The following SPRED2 variants were observed in gnomAD, a reference collection of about 807,000 sequenced individuals.
SPRED2 encodes the protein sprouty related EVH1 domain containing 2.
A neutral mutation model predicts 43.0 loss-of-function variants in SPRED2; 47 were observed. That is an observed-to-expected ratio of 1.09 (90% CI 0.87 to 1.40). The LOEUF (loss-of-function observed/expected upper bound fraction) is 1.40, where lower values mean the gene tolerates loss of function less well. Among genes scored for constraint, SPRED2 ranks in the 40% most tolerant of loss-of-function variants. SPRED2 has a pLI of 0.00. For missense variants in SPRED2, 561 were observed against 586.4 expected (o/e 0.96, Z 0.45); for synonymous variants, 225 against 225.7 (o/e 1.00, Z 0.03).
At chr2:65,405,243 C>T (rs1572897347) in intron 1 of SPRED2, among the ~76,000 whole-genome samples, 1 of 152,192 alleles carries the variant, frequency 6.6e-6, no homozygotes, top group Admixed American at 6.5e-5. Context: ...TGGTACTTTC[C>T]ACCTTGGTGG....
chr2:65,401,945 A>G (rs530797985), intron 1 of SPRED2, among the ~76,000 whole-genome samples: 7,341 of 132,786 alleles, frequency 0.055, 305 homozygotes, highest in East Asian at 0.15. Context: ...GCGCACACAC[A>G]CACACACACA....
chr2:65,404,765 A>C (rs1675983510), intron 1 of SPRED2, among the ~76,000 whole-genome samples: 1 of 152,140 alleles, frequency 6.6e-6, no homozygotes, highest in Non-Finnish European at 1.5e-5. Flanking sequence ...GTCTATAAAA[A>C]ACACGTGCCT....
In SPRED2 at chr2:65,356,536, C is replaced by CTTTTTTTTTT. The variant is rs1274369940; in HGVS notation, c.27-11650_27-11641dup. 4.9e-3 allele frequency among the ~76,000 whole-genome samples: 297 copies of CTTTTTTTTTT among 60,284 alleles called. 7 individuals are homozygous for CTTTTTTTTTT. Among genetic ancestry groups the CTTTTTTTTTT allele is most frequent in the East Asian group, 0.036 (21 of 586 alleles). 39.5% of individuals were successfully genotyped at this position (60,284 alleles called of 152,430 possible). A position where few individuals can be genotyped will look rare whatever the true frequency, so the allele number is the denominator to read the frequency against. Reference sequence around the variant, plus strand: ...TTAGAGTGCAGTTCCCCAGTTCCCTCTTTTTTTTTTTTTTTTTTTTTTGTG... The same window carrying CTTTTTTTTTT: ...TTAGAGTGCAGTTCCCCAGTTCCCTCTTTTTTTTTTTTTTTTTTTTTTTTTTTTTTTTGTG... On this transcript the variant is annotated intron_variant, in intron 1 of 5. Transcript: ENST00000356388.
intron 1 of SPRED2, among the ~76,000 whole-genome samples, chr2:65,422,100 ACACACTCTCT>A (rs1371130299): frequency 2.6e-3 from 291 of 112,718 alleles, no homozygotes; most frequent in African/African-American, 8.7e-3. Context: ...ACACACACAC[ACACACTCTCT>A]CTCTCTCTCT....
At position 65,312,562 on chromosome 2, in the gene SPRED2, A is replaced by C; in HGVS notation, c.*939T>G. 12 of 985,596 alleles carry C rather than the reference A, an allele frequency of 1.2e-5. No homozygotes were observed. Among genetic ancestry groups the C allele is most frequent in the Non-Finnish European group, 1.4e-5 (12 of 829,910 alleles). 61.1% of individuals were successfully genotyped at this position (985,596 alleles called of 1,614,324 possible). A position where few individuals can be genotyped will look rare whatever the true frequency, so the allele number is the denominator to read the frequency against. On this transcript the variant is annotated 3_prime_UTR_variant, in exon 6 of 6. Coordinates refer to ENST00000356388, the MANE Select transcript of SPRED2 (RefSeq NM_181784.3). The stretch of plus-strand genomic sequence containing the variant: ...TGTTTGAGGAAACTATTTGGTTTGC[A>C]AAACAACAAGCAAAATTTCTTACTT...
intron 4 of SPRED2, among the ~76,000 whole-genome samples, chr2:65,330,112 C>G (rs1673766909): frequency 6.6e-6 from 1 of 152,198 alleles, no homozygotes; most frequent in Non-Finnish European, 1.5e-5. Flanking sequence ...CATCTCTCAA[C>G]CAGACTACTT....
chr2:65,322,294 A>ATAT (rs1350932295), intron 4 of SPRED2, among the ~76,000 whole-genome samples: 64 of 64,918 alleles, frequency 9.9e-4, no homozygotes, highest in South Asian at 1.3e-3. Context: ...ATATATATAT[A>ATAT]TTTTTTTTTT....
At chr2:65,378,437 C>T (rs1309987028) in intron 1 of SPRED2, among the ~76,000 whole-genome samples, 2 of 152,138 alleles carry the variant, frequency 1.3e-5, no homozygotes, top group African/African-American at 4.8e-5. Context: ...TCCACCCCCT[C>T]CATACAAGAA....
intron 2 of SPRED2, among the ~76,000 whole-genome samples, chr2:65,341,511 C>T (rs1481660081): frequency 6.6e-6 from 1 of 152,102 alleles, no homozygotes. Flanking sequence ...AAGGGACAGG[C>T]TTTGATTTTG....
intron 4 of SPRED2, among the ~76,000 whole-genome samples, chr2:65,330,477 C>CT (rs969019838): frequency 2.0e-5 from 3 of 151,414 alleles, no homozygotes; most frequent in Non-Finnish European, 4.4e-5. Flanking sequence ...TTTTATTAGA[C>CT]TTTTTTTTTG....
chr2:65,418,845 G>C (rs939431663), intron 1 of SPRED2, among the ~76,000 whole-genome samples: 1 of 150,950 alleles, frequency 6.6e-6, no homozygotes, highest in Non-Finnish European at 1.5e-5. Context: ...ATGAGCCACC[G>C]CACCTGGCCT....
intron 1 of SPRED2, among the ~76,000 whole-genome samples, chr2:65,396,371 C>T (rs1675757590): frequency 1.3e-5 from 2 of 152,222 alleles, no homozygotes; most frequent in Non-Finnish European, 2.9e-5. Context: ...ACCTACGGCG[C>T]ATCATGCTAT....
At chr2:65,335,704 A>C (rs1251199027) in intron 2 of SPRED2, among the ~76,000 whole-genome samples, 1 of 144,332 alleles carries the variant, frequency 6.9e-6, no homozygotes, top group Non-Finnish European at 1.5e-5. Flanking sequence ...TAACTAGACT[A>C]CAAAAAGTCA....
At chr2:65,430,014 G>C (rs1676641360) in intron 1 of SPRED2, among the ~76,000 whole-genome samples, 1 of 152,152 alleles carries the variant, frequency 6.6e-6, no homozygotes, top group Admixed American at 6.5e-5. Flanking sequence ...TATTCCCAAG[G>C]GGTGGAGCCA....
chr2:65,360,533 C>G (rs1038495757), intron 1 of SPRED2, among the ~76,000 whole-genome samples: 2 of 152,184 alleles, frequency 1.3e-5, no homozygotes, highest in African/African-American at 4.8e-5. Context: ...ATGGATGAAT[C>G]TTGAGGATAT....
chr2:65,331,931 C>T lies in SPRED2; in HGVS notation c.438+56G>A, dbSNP rs1415795156. The T allele has an allele frequency of 2.1e-6, 3 of 1,414,550 alleles. No individual in the cohort carries two copies. The African/African-American group carries it at 4.3e-5, about 20-fold the overall frequency. The allele number at this position is 1,414,550 out of a possible 1,614,324, so 87.6% of individuals were successfully genotyped here. ...GTGTGCCTCATGCCCTTAAACAAAACCTTTCTCTGATTATTCAACAACTAA... is the reference window on the plus strand; with the variant it reads ...GTGTGCCTCATGCCCTTAAACAAAATCTTTCTCTGATTATTCAACAACTAA... On this transcript the variant is annotated intron_variant, in intron 4 of 5. Transcript: ENST00000356388.
chr2:65,310,447 G>T (rs1288898250), downstream of SPRED2, among the ~76,000 whole-genome samples: 1 of 146,358 alleles, frequency 6.8e-6, no homozygotes, highest in Non-Finnish European at 1.5e-5. Flanking sequence ...GCGAGAAATT[G>T]TCCTCCAAAC....
intron 1 of SPRED2, among the ~76,000 whole-genome samples, chr2:65,406,143 T>C (rs1314308498): frequency 6.6e-6 from 1 of 152,060 alleles, no homozygotes; most frequent in Non-Finnish European, 1.5e-5. Flanking sequence ...GGGCTGAGAG[T>C]GCTACCATGA....
In SPRED2 at chr2:65,311,534, C is replaced by A. The variant is rs1017805571; in HGVS notation, c.*1967G>T. The A allele has an allele frequency of 1.9e-5, 19 of 985,674 alleles. No homozygotes were observed. Among genetic ancestry groups the A allele is most frequent in the Non-Finnish European group, 2.2e-5 (18 of 829,930 alleles). 61.1% of individuals were successfully genotyped at this position (985,674 alleles called of 1,614,324 possible). A position where few individuals can be genotyped will look rare whatever the true frequency, so the allele number is the denominator to read the frequency against. ...AGTGTTGTGCTTTGTAGAGAAGAGA[C>A]CCTAGAGAAAGACCCCAAGGAAGTG... is the stretch of plus-strand genomic sequence containing the variant. On this transcript the variant is annotated 3_prime_UTR_variant, in exon 6 of 6. Coordinates refer to ENST00000356388, the MANE Select transcript of SPRED2 (RefSeq NM_181784.3).
Sources: gnomAD v4.1 joint callset for allele counts (sites outside exome capture counted in the v4.1 genomes callset) on GRCh38, gnomAD v4.1.1 for gene constraint, MANE v1.5 for transcripts, NCBI Gene and HGNC (gene_info 2026-07-23, HGNC 2026-07-21) for gene names.